TMIGD3: variants seen among roughly 807,000 people sequenced by gnomAD.
The protein encoded by TMIGD3 is AD026 protein (AD026).
Under a neutral mutation model 28.1 loss-of-function variants are expected in TMIGD3, and 21 were observed. The ratio of observed to expected loss-of-function variants is 0.75; its 90% CI spans 0.53 to 1.08. TMIGD3 has a LOEUF of 1.08. Among genes scored for constraint, TMIGD3 ranks in the 50% least tolerant of loss-of-function variants. TMIGD3 has a pLI of 0.00. For synonymous variants in TMIGD3, 151 were observed against 162.1 expected, an observed-to-expected ratio of 0.93 and a Z score of 0.52; for missense variants, 416 against 435.6, an observed-to-expected ratio of 0.96 and a Z score of 0.40.
In TMIGD3 at chr1:111,509,866, C is replaced by T. The variant is rs142161974; in HGVS notation, c.108-19104G>A. Among the ~76,000 whole-genome samples, 842 of 152,378 alleles carry T rather than the reference C, an allele frequency of 5.5e-3. 6 individuals carry two copies. The highest frequency in any genetic ancestry group is 9.1e-3 in the Non-Finnish European group (616 of 68,038). On this transcript the variant is annotated intron_variant, in intron 1 of 5. Coordinates refer to the TMIGD3 transcript ENST00000369717. ...GGGAAGTATTATTAGATCCATTTCACAGATAGAAAACTAAGGCTAGGAGAG... is the reference window on the plus strand; with the variant it reads ...GGGAAGTATTATTAGATCCATTTCATAGATAGAAAACTAAGGCTAGGAGAG...
intron 1 of TMIGD3, among the ~76,000 whole-genome samples, chr1:111,530,967 A>C (rs11102300): frequency 0.16 from 24,422 of 152,186 alleles, 2,151 homozygotes; most frequent in East Asian, 0.46. Flanking sequence ...TTACAAGTAT[A>C]TTTGGCTGTA....
At chr1:111,533,880 C>T (rs751945414) in intron 1 of TMIGD3, among the ~76,000 whole-genome samples, 5 of 152,132 alleles carry the variant, frequency 3.3e-5, no homozygotes, top group Non-Finnish European at 7.3e-5. Flanking sequence ...TAATAATAAA[C>T]ACTTTGGAGC....
intron 1 of TMIGD3, chr1:111,500,293 C>T (rs764124230): frequency 4.0e-5 from 65 of 1,613,970 alleles, no homozygotes; most frequent in South Asian, 1.1e-4. Flanking sequence ...GAGTTTGTTC[C>T]GAATGATGTA....
chr1:111,486,551 C>T (rs748250270), intron 4 of TMIGD3, 35 bp downstream of exon 4: 1 of 1,556,208 alleles, frequency 6.4e-7, no homozygotes, highest in Non-Finnish European at 8.9e-7. Flanking sequence ...ACCCCACCGC[C>T]CCAAGCCCAT....
upstream of TMIGD3, chr1:111,503,863 G>A (rs957667728): frequency 1.0e-6 from 1 of 994,424 alleles, no homozygotes. Flanking sequence ...ACAAGATTGG[G>A]TATCAGAGTT....
intron 1 of TMIGD3, among the ~76,000 whole-genome samples, chr1:111,555,356 ACT>A (rs1390642610): frequency 1.2e-5 from 1 of 86,768 alleles, no homozygotes; most frequent in African/African-American, 4.2e-5. Flanking sequence ...ACAGACTGAG[ACT>A]CTGTAAAAAA....
chr1:111,548,273 G>A (rs1356776332), intron 1 of TMIGD3, among the ~76,000 whole-genome samples: 8 of 152,118 alleles, frequency 5.3e-5, no homozygotes, highest in Non-Finnish European at 1.2e-4. Flanking sequence ...CACCCACCTC[G>A]GCCTCCCAAA....
At chr1:111,510,633 T>G (rs982940877) in intron 1 of TMIGD3, among the ~76,000 whole-genome samples, 2 of 152,212 alleles carry the variant, frequency 1.3e-5, no homozygotes, top group African/African-American at 2.4e-5. Flanking sequence ...ATATCATTCC[T>G]TGGCTACCGG....
intron 5 of TMIGD3, among the ~76,000 whole-genome samples, chr1:111,485,012 C>T (rs1206354972): frequency 2.0e-5 from 3 of 152,172 alleles, no homozygotes; most frequent in Non-Finnish European, 4.4e-5. Flanking sequence ...CCAGTCATGT[C>T]TCTGATGCTG....
intron 1 of TMIGD3, among the ~76,000 whole-genome samples, chr1:111,541,696 AAG>A (rs960029102): frequency 1.3e-5 from 2 of 150,506 alleles, no homozygotes; most frequent in Admixed American, 6.6e-5. Context: ...GAGAGAGAGA[AAG>A]AGAGAGAGAG....
chr1:111,539,614 C>T (rs1204461866), intron 1 of TMIGD3, among the ~76,000 whole-genome samples: 3 of 152,006 alleles, frequency 2.0e-5, no homozygotes, highest in African/African-American at 7.2e-5. Flanking sequence ...TATATTTTAC[C>T]ACAATTAAAA....
At chr1:111,495,433 G>A (rs933153944) in intron 1 of TMIGD3, among the ~76,000 whole-genome samples, 6 of 152,196 alleles carry the variant, frequency 3.9e-5, no homozygotes, top group African/African-American at 7.2e-5. Flanking sequence ...ACACCAGTCA[G>A]AATGGCTATT....
intron 1 of TMIGD3, among the ~76,000 whole-genome samples, chr1:111,501,748 T>C (rs533219827): frequency 2.1e-4 from 32 of 152,088 alleles, no homozygotes; most frequent in Non-Finnish European, 4.3e-4. Flanking sequence ...GTTAAACAAC[T>C]TGTTCAAGAT....
chr1:111,488,518 A>T (rs1315026806), intron 3 of TMIGD3, among the ~76,000 whole-genome samples, 159 bp downstream of exon 3: 3 of 152,112 alleles, frequency 2.0e-5, no homozygotes, highest in African/African-American at 7.2e-5. Flanking sequence ...ACTGTTAATG[A>T]CCACCCTATG....
At chr1:111,526,453 T>G (rs1656265355) in intron 1 of TMIGD3, among the ~76,000 whole-genome samples, 1 of 152,200 alleles carries the variant, frequency 6.6e-6, no homozygotes, top group South Asian at 2.1e-4. Flanking sequence ...TGCTTCCCCT[T>G]CTGCCATGAT....
intron 1 of TMIGD3, among the ~76,000 whole-genome samples, chr1:111,491,077 G>A (rs1159040364): frequency 6.6e-6 from 1 of 152,240 alleles, no homozygotes. Flanking sequence ...AATGGTCCTG[G>A]CATCATCAGA....
chr1:111,512,536 G>T (rs753671510), intron 1 of TMIGD3, among the ~76,000 whole-genome samples: 1 of 152,168 alleles, frequency 6.6e-6, no homozygotes, highest in Non-Finnish European at 1.5e-5. Context: ...ACCCCTCTGC[G>T]GACTGGATGA....
At chr1:111,529,376 CT>C (rs1016199558) in intron 1 of TMIGD3, among the ~76,000 whole-genome samples, 3 of 101,232 alleles carry the variant, frequency 3.0e-5, no homozygotes, top group Non-Finnish European at 4.6e-5. Flanking sequence ...TTCTTTCTTT[CT>C]TTTTTTTTTA....
chr1:111,537,863 A>T (rs1240303554), intron 1 of TMIGD3, among the ~76,000 whole-genome samples: 4 of 150,734 alleles, frequency 2.7e-5, no homozygotes, highest in Non-Finnish European at 5.9e-5. Flanking sequence ...TATGATGACC[A>T]GGATGAAAAC....
Sources: gnomAD v4.1 joint callset for allele counts (sites outside exome capture counted in the v4.1 genomes callset) on GRCh38, gnomAD v4.1.1 for gene constraint, MANE v1.5 for transcripts, NCBI Gene and HGNC (gene_info 2026-07-23, HGNC 2026-07-21) for gene names.